HIPK1: variants seen among roughly 807,000 people sequenced by gnomAD.
The protein encoded by HIPK1 is homeodomain-interacting protein kinase 1.
A neutral mutation model predicts 117.1 loss-of-function variants in HIPK1; 28 were observed. The observed-to-expected ratio is 0.24, with a 90% CI of 0.18 to 0.33. The LOEUF (loss-of-function observed/expected upper bound fraction) is 0.33, where lower values mean the gene tolerates loss of function less well. Among genes scored for constraint, HIPK1 ranks in the 10% least tolerant of loss-of-function variants. The probability of loss-of-function intolerance (pLI) is 1.00; values close to 1 mark genes in which losing one functional copy is unlikely to be tolerated. For missense variants in HIPK1, 1,122 were observed against 1,475.1 expected (o/e 0.76, Z 3.92); for synonymous variants, 605 against 562.5 (o/e 1.08, Z -1.07).
At chr1:113,953,571 G>A (rs1212479117) in intron 3 of HIPK1, among the ~76,000 whole-genome samples, 2 of 152,126 alleles carry the variant, frequency 1.3e-5, no homozygotes, top group East Asian at 1.9e-4. Context: ...AGGCTGGAGT[G>A]CAGTGGCGCG....
intron 10 of HIPK1, among the ~76,000 whole-genome samples, chr1:113,964,283 C>G (rs1425184181): frequency 6.6e-6 from 1 of 152,126 alleles, no homozygotes; most frequent in Non-Finnish European, 1.5e-5. Flanking sequence ...GTATGGCCAA[C>G]AAACTATGCA....
In HIPK1 at chr1:113,952,798, G is replaced by T. The variant is rs980310202; in HGVS notation, c.1109G>T (p.Cys370Phe). ...APEIILGLPF[C>F]EAIDMWSLGC... The stretch of plus-strand genomic sequence containing the variant: ...GAAATTATTCTTGGGTTACCATTTT[G>T]TGAAGCTATTGATATGTGGTCACTG... Residue 370 changes from cysteine to phenylalanine, a missense_variant, in exon 3 of 16, where the codon TGT becomes TTT. Cys to Phe is a radical substitution (Grantham distance 205, BLOSUM62 -2). Coordinates refer to ENST00000426820, the MANE Select transcript of HIPK1 (RefSeq NM_198268.3). 6.7e-7 allele frequency: 1 copy of T among 1,495,202 alleles called. No individual in the cohort carries two copies. The allele number at this position is 1,495,202 out of a possible 1,614,324, so 92.6% of individuals were successfully genotyped here.
At chr1:113,950,049 C>G (rs1028265556) in intron 2 of HIPK1, among the ~76,000 whole-genome samples, 1 of 152,160 alleles carries the variant, frequency 6.6e-6, no homozygotes, top group African/African-American at 2.4e-5. Context: ...GAAAAGCTTT[C>G]AGGCCCTGTG....
At position 113,973,601 on chromosome 1, in the gene HIPK1, C is replaced by G. The variant is rs1178389972; in HGVS notation, c.*89C>G. The stretch of plus-strand genomic sequence containing the variant: ...GGCTATGGAGAGATCCTCCTTTACC[C>G]TCTTGAAATTTCTTAGCCAGCAACT... On this transcript the variant is annotated 3_prime_UTR_variant, in exon 16 of 16. Transcript: ENST00000426820. 1 of 1,444,418 alleles carries G rather than the reference C, an allele frequency of 6.9e-7. No individual in the cohort carries two copies. Among genetic ancestry groups the G allele is most frequent in the Non-Finnish European group, 9.2e-7 (1 of 1,085,666 alleles). The allele number at this position is 1,444,418 out of a possible 1,614,324, so 89.5% of individuals were successfully genotyped here. A position where few individuals can be genotyped will look rare whatever the true frequency, so the allele number is the denominator to read the frequency against.
intron 11 of HIPK1, among the ~76,000 whole-genome samples, chr1:113,966,969 A>G (rs1021153967): frequency 2.0e-5 from 3 of 152,138 alleles, no homozygotes; most frequent in Non-Finnish European, 4.4e-5. Context: ...AGATCCCATA[A>G]ATAAGTGAGA....
chr1:113,940,678 A>G lies in HIPK1; in HGVS notation c.295A>G (p.Thr99Ala), dbSNP rs182205849. 130 of 1,614,072 alleles carry G rather than the reference A, an allele frequency of 8.1e-5. No homozygotes were observed. The East Asian group carries it at 9.1e-4, about 11-fold the overall frequency. ...TAGCTCGGGCAGTGCTGCTACATCA[A>G]CCTTCCAAAGCAGCCAGACCCTGAC... ...ADSSGSAATSTFQSSQTLTHR... is the reference protein window; with the variant it reads ...ADSSGSAATSAFQSSQTLTHR... Residue 99 changes from threonine (T) to alanine (A), a missense_variant, in exon 2 of 16, where the codon ACC becomes GCC. By Grantham distance (58) the Thr-to-Ala change is moderately conservative. Transcript: ENST00000426820.
At chr1:113,930,185 C>T (rs954053638) in intron 1 of HIPK1, among the ~76,000 whole-genome samples, 2 of 152,268 alleles carry the variant, frequency 1.3e-5, no homozygotes, top group South Asian at 2.1e-4. Context: ...ACTCCCCCTG[C>T]CTCCTGCCAC....
intron 5 of HIPK1, among the ~76,000 whole-genome samples, chr1:113,956,324 C>A (rs1671722914): frequency 6.6e-6 from 1 of 152,082 alleles, no homozygotes; most frequent in Admixed American, 6.5e-5. Context: ...GGTGATCCAC[C>A]TGCCTTGGCT....
At position 113,956,770 on chromosome 1, in the gene HIPK1, T is replaced by C. The variant is rs745569429; in HGVS notation, c.1551T>C (p.Phe517=). The change falls in exon 6 of 16, where the codon TTT becomes TTC. Residue 517 remains phenylalanine, a synonymous_variant. Transcript: ENST00000426820. ...ITPLKTLNHQ[F]VTMTHLLDFP... The stretch of plus-strand genomic sequence containing the variant: ...CTCTAAAAACTCTTAACCATCAGTT[T>C]GTGACAATGACTCACCTTTTGGATT... 3 of 1,614,148 alleles carry C rather than the reference T, an allele frequency of 1.9e-6. No homozygotes were observed. The highest frequency in any genetic ancestry group is 2.5e-6 in the Non-Finnish European group (3 of 1,180,000).
intron 10 of HIPK1, 111 bp downstream of exon 10, chr1:113,963,632 A>G: frequency 7.4e-7 from 1 of 1,360,052 alleles, no homozygotes; most frequent in South Asian, 1.5e-5. Flanking sequence ...TTTTCAAAAA[A>G]ATTTTTTAGC....
At chr1:113,951,492 G>A (rs758750640) in intron 2 of HIPK1, among the ~76,000 whole-genome samples, 10 of 152,084 alleles carry the variant, frequency 6.6e-5, no homozygotes, top group Non-Finnish European at 1.3e-4. Context: ...ATATATAAAC[G>A]TCTGAGTTAT....
At chr1:113,952,932 C>A in intron 3 of HIPK1, 43 bp downstream of exon 3, 1 of 1,419,754 alleles carries the variant, frequency 7.0e-7, no homozygotes, top group Non-Finnish European at 9.3e-7. Flanking sequence ...CAAATAGTTA[C>A]TTGTGAATTA....
intron 2 of HIPK1, among the ~76,000 whole-genome samples, chr1:113,945,406 T>C (rs969219269): frequency 2.0e-5 from 3 of 152,216 alleles, no homozygotes; most frequent in African/African-American, 7.2e-5. Flanking sequence ...AAGAAGTCAC[T>C]GTTAAGTCGA....
intron 1 of HIPK1, among the ~76,000 whole-genome samples, chr1:113,936,666 T>C (rs750446118): frequency 2.6e-5 from 4 of 152,258 alleles, no homozygotes; most frequent in South Asian, 2.1e-4. Flanking sequence ...CGTTTTACCA[T>C]GTTGGTCAGG....
At chr1:113,962,913 C>T (rs1036843192) in intron 9 of HIPK1, among the ~76,000 whole-genome samples, 5 of 152,222 alleles carry the variant, frequency 3.3e-5, no homozygotes, top group East Asian at 3.9e-4. Context: ...TCCTTCATTC[C>T]GTGTGTTTAA....
intron 1 of HIPK1, chr1:113,933,177 T>C (rs1158705002): frequency 1.0e-6 from 1 of 985,210 alleles, no homozygotes. Context: ...TTGATTTTGA[T>C]ACAAAGCAAC....
At position 113,976,233 on chromosome 1, in the gene HIPK1, A is replaced by T. The variant is rs1313561302; in HGVS notation, c.*2721A>T. The T allele has an allele frequency of 6.6e-6, 1 of 152,534 alleles. No homozygotes were observed. The highest frequency in any genetic ancestry group is 1.5e-5 in the Non-Finnish European group (1 of 68,036). 9.4% of individuals were successfully genotyped at this position (152,534 alleles called of 1,614,324 possible). ...TATATTGAGTTGTGTTTTCAGCACT[A>T]TATTGGTCAAGATAGCCAAGCAGTT... On this transcript the variant is annotated 3_prime_UTR_variant, in exon 16 of 16. Transcript: ENST00000426820.
intron 2 of HIPK1, among the ~76,000 whole-genome samples, chr1:113,952,453 G>T (rs1191276189): frequency 6.6e-6 from 1 of 152,250 alleles, no homozygotes; most frequent in African/African-American, 2.4e-5. Flanking sequence ...AGCCAACTTA[G>T]TATGACTGTT....
chr1:113,934,129 A>G (rs1670094763), intron 1 of HIPK1, among the ~76,000 whole-genome samples: 1 of 152,240 alleles, frequency 6.6e-6, no homozygotes, highest in Non-Finnish European at 1.5e-5. Context: ...GGAGCAAGAA[A>G]TCAATATATA....
Sources: gnomAD v4.1 joint callset for allele counts (sites outside exome capture counted in the v4.1 genomes callset) on GRCh38, gnomAD v4.1.1 for gene constraint, MANE v1.5 for transcripts, NCBI Gene and HGNC (gene_info 2026-07-23, HGNC 2026-07-21) for gene names.